PCDH17: variants seen among roughly 807,000 people sequenced by gnomAD.
The protein encoded by PCDH17 is protocadherin-17.
PCDH17 carries 21 observed loss-of-function variants against 67.7 expected under a neutral mutation model. The ratio of observed to expected loss-of-function variants is 0.31; its 90% CI spans 0.22 to 0.45. The LOEUF is 0.45. Ranked by LOEUF, PCDH17 falls within the 20% of genes least tolerant of loss-of-function variation. The pLI is 1.00. For missense variants in PCDH17, 1,471 were observed against 1,564.8 expected (o/e 0.94, Z 1.01); for synonymous variants, 701 against 656.7 (o/e 1.07, Z -1.03).
At chr13:57,652,321 A>G (rs754900412) in intron 1 of PCDH17, among the ~76,000 whole-genome samples, 6 of 151,902 alleles carry the variant, frequency 3.9e-5, no homozygotes, top group Non-Finnish European at 7.4e-5. Flanking sequence ...ACGACTATAA[A>G]AAGGTAGTTT....
Position 57,633,476 on chromosome 13 carries a change from C to T in PCDH17, c.930C>T (p.Asp310=). Residue 310 remains aspartate (D), a synonymous_variant, in exon 1 of 4, where the codon GAC becomes GAT. Transcript: ENST00000377918. The surrounding 1 kb of genome is among the most constrained non-coding windows in gnomAD (Gnocchi z 6.2). ...TGLIRVKGNL[D]YEENGMLEID... Reference sequence around the variant, plus strand: ...TAATCCGTGTGAAGGGCAATCTGGACTATGAGGAAAACGGGATGCTGGAGA... The same window carrying T: ...TAATCCGTGTGAAGGGCAATCTGGATTATGAGGAAAACGGGATGCTGGAGA... 2 of 1,613,854 alleles carry T rather than the reference C, an allele frequency of 1.2e-6. No individual in the cohort carries two copies. Among genetic ancestry groups the T allele is most frequent in the Non-Finnish European group, 1.7e-6 (2 of 1,180,042 alleles).
At chr13:57,717,750 T>C (rs1361045386) in intron 3 of PCDH17, among the ~76,000 whole-genome samples, 1 of 152,066 alleles carries the variant, frequency 6.6e-6, no homozygotes, top group East Asian at 1.9e-4. Flanking sequence ...ATGTGCTCTC[T>C]GCTATCAAAA....
At chr13:57,660,859 G>A (rs1315646141) in intron 1 of PCDH17, among the ~76,000 whole-genome samples, 1 of 152,122 alleles carries the variant, frequency 6.6e-6, no homozygotes, top group East Asian at 1.9e-4. Context: ...TACAACAGTA[G>A]TCCATTTTTT....
chr13:57,671,398 G>T (rs1372620350), intron 3 of PCDH17, among the ~76,000 whole-genome samples: 2 of 151,442 alleles, frequency 1.3e-5, no homozygotes, highest in Non-Finnish European at 2.9e-5. Context: ...TATAGTATTA[G>T]TTCTGTAAAG....
At position 57,634,145 on chromosome 13, in the gene PCDH17, C is replaced by T. The variant is rs755985621; in HGVS notation, c.1599C>T (p.Ala533=). The T allele has an allele frequency of 3.7e-6, 6 of 1,613,684 alleles. No individual in the cohort carries two copies. Among genetic ancestry groups the T allele is most frequent in the South Asian group, 3.3e-5 (3 of 91,080 alleles). Residue 533 remains alanine, a synonymous_variant, in exon 1 of 4, where the codon GCC becomes GCT. Transcript: ENST00000377918. This position sits in a 1 kb window ranked among gnomAD's most constrained non-coding sequence, Gnocchi z 7.8. ...TYVSVNPTNG[A]IYALRSFNFE... ...TGTCTGTGAATCCCACGAACGGGGC[C>T]ATCTACGCCCTGCGCTCCTTTAACT...
chr13:57,691,421 A>T (rs973686385), intron 3 of PCDH17, among the ~76,000 whole-genome samples: 1 of 151,224 alleles, frequency 6.6e-6, no homozygotes, highest in Non-Finnish European at 1.5e-5. Context: ...CTAATAATAG[A>T]TAATTTTTTT....
intron 1 of PCDH17, among the ~76,000 whole-genome samples, chr13:57,638,329 A>G (rs1593891694): frequency 1.3e-5 from 2 of 152,210 alleles, no homozygotes; most frequent in Admixed American, 1.3e-4. Context: ...ATTAAGTGCT[A>G]AGTCTCAGGG....
rs1380555470 is a variant in PCDH17, at chr13:57,632,709, G to A, written c.163G>A (p.Gly55Ser). ...TGGGCTTCCGCCTGCAGAGCGCGGC[G>A]GCGGAGGGCGCAGCAAGTCGGGTAG... is the stretch of plus-strand genomic sequence containing the variant. ...QPGLPPAERG[G>S]GGRSKSGSYR... The change falls in exon 1 of 4, where the codon GGC becomes AGC. Residue 55 changes from glycine (G) to serine (S), a missense_variant. This residue lies in a region of PCDH17 where 1,163 missense variants were observed against 1,230.0 expected (regional missense o/e 0.95). Transcript: ENST00000377918. The A allele has an allele frequency of 5.6e-6, 9 of 1,611,396 alleles. No individual in the cohort carries two copies. The highest frequency in any genetic ancestry group is 7.6e-6 in the Non-Finnish European group (9 of 1,179,916).
chr13:57,714,841 G>A (rs1051187795), intron 3 of PCDH17, among the ~76,000 whole-genome samples: 3 of 151,596 alleles, frequency 2.0e-5, no homozygotes, highest in Admixed American at 6.6e-5. Context: ...CATTCGACAC[G>A]GCAATGCAGT....
At chr13:57,714,906 T>G (rs1401641692) in intron 3 of PCDH17, among the ~76,000 whole-genome samples, 2 of 151,728 alleles carry the variant, frequency 1.3e-5, no homozygotes, top group Non-Finnish European at 2.9e-5. Context: ...CTATAGGTGC[T>G]GAGGTGTAGT....
chr13:57,644,255 A>G (rs1954938776), intron 1 of PCDH17, among the ~76,000 whole-genome samples: 1 of 151,632 alleles, frequency 6.6e-6, no homozygotes, highest in Non-Finnish European at 1.5e-5. Context: ...CTCACAGGAC[A>G]TTTTAAGGAT....
intron 1 of PCDH17, among the ~76,000 whole-genome samples, chr13:57,640,434 T>A (rs1954876938): frequency 6.6e-6 from 1 of 152,076 alleles, no homozygotes; most frequent in African/African-American, 2.4e-5. Flanking sequence ...TGTATGTAAG[T>A]ACTTGCTCAA....
chr13:57,722,868 C>G (rs143991628), intron 3 of PCDH17, among the ~76,000 whole-genome samples: 84 of 152,258 alleles, frequency 5.5e-4, no homozygotes, highest in Non-Finnish European at 1.0e-3. Flanking sequence ...CTCAGACTCC[C>G]AAAGTGCTGG....
chr13:57,718,354 A>G (rs1455294024), intron 3 of PCDH17, among the ~76,000 whole-genome samples: 1 of 152,078 alleles, frequency 6.6e-6, no homozygotes, highest in Non-Finnish European at 1.5e-5. Context: ...TTTTGAGACA[A>G]CTTACTTATC....
chr13:57,717,411 G>A (rs965300167), intron 3 of PCDH17, among the ~76,000 whole-genome samples: 6 of 151,896 alleles, frequency 4.0e-5, no homozygotes, highest in South Asian at 2.1e-4. Flanking sequence ...ACCTTAGAGC[G>A]TTATCTATGT....
chr13:57,681,048 C>T (rs1955444144), intron 3 of PCDH17, among the ~76,000 whole-genome samples: 1 of 151,728 alleles, frequency 6.6e-6, no homozygotes, highest in South Asian at 2.1e-4. Flanking sequence ...CAAGCAAGTG[C>T]TTTTAAACAC....
chr13:57,705,325 TTAA>T (rs1336623894), intron 3 of PCDH17, among the ~76,000 whole-genome samples: 1 of 152,066 alleles, frequency 6.6e-6, no homozygotes, highest in African/African-American at 2.4e-5. Context: ...TGAAATATTT[TTAA>T]TGTTTAAGTT....
intron 1 of PCDH17, among the ~76,000 whole-genome samples, chr13:57,664,445 T>C (rs970814859): frequency 6.6e-6 from 1 of 152,204 alleles, no homozygotes; most frequent in Non-Finnish European, 1.5e-5. Context: ...CTTAGAACTT[T>C]AATAATATGC....
chr13:57,716,245 A>C (rs1955815793), intron 3 of PCDH17, among the ~76,000 whole-genome samples: 1 of 151,996 alleles, frequency 6.6e-6, no homozygotes. Flanking sequence ...AGAATCTTTG[A>C]GACATATGAT....
Sources: gnomAD v4.1 joint callset for allele counts (sites outside exome capture counted in the v4.1 genomes callset) on GRCh38, gnomAD v4.1.1 for gene constraint, gnomAD v4.1.1 regional missense constraint, Gnocchi (gnomAD v3.1) non-coding constraint, MANE v1.5 for transcripts, NCBI Gene and HGNC (gene_info 2026-07-23, HGNC 2026-07-21) for gene names.